ASIC2: variants seen among roughly 807,000 people sequenced by gnomAD.
The protein encoded by ASIC2 is acid sensing ion channel subunit 2.
A neutral mutation model predicts 57.3 loss-of-function variants in ASIC2; 25 were observed. The observed-to-expected ratio is 0.44, with a 90% CI of 0.32 to 0.61. The LOEUF (loss-of-function observed/expected upper bound fraction) is 0.61, where lower values mean the gene tolerates loss of function less well. Among genes scored for constraint, ASIC2 ranks in the 20% least tolerant of loss-of-function variants. The pLI, the probability that ASIC2 is intolerant of heterozygous loss-of-function variation, is 0.06. For missense variants in ASIC2, 641 were observed against 738.1 expected (o/e 0.87, Z 1.52); for synonymous variants, 319 against 307.5 (o/e 1.04, Z -0.39).
chr17:33,570,617 T>C (rs368294467), intron 1 of ASIC2, among the ~76,000 whole-genome samples: 2 of 152,252 alleles, frequency 1.3e-5, no homozygotes, highest in East Asian at 1.9e-4. Context: ...GTTACCATTT[T>C]AGTTACTTCT....
intron 1 of ASIC2, among the ~76,000 whole-genome samples, chr17:33,656,924 T>C (rs1162619939): frequency 1.3e-5 from 2 of 152,054 alleles, no homozygotes; most frequent in African/African-American, 4.8e-5. Flanking sequence ...TGTTCAGATA[T>C]GGGTAAGCCA....
chr17:33,638,811 C>G lies in ASIC2; in HGVS notation c.555+517167G>C, dbSNP rs72827246. On this transcript the variant is annotated intron_variant, in intron 1 of 9. Coordinates refer to the ASIC2 transcript ENST00000359872. ...CCCTGAACAGAATAAGCCAAAACTA[C>G]CAGAGGATTAGTATCCCTGGGCTGC... Among the ~76,000 whole-genome samples, 1,448 of 152,050 alleles carry G rather than the reference C, an allele frequency of 9.5e-3. 32 individuals are homozygous for G. The highest frequency in any genetic ancestry group is 0.076 in the East Asian group (388 of 5,108).
At chr17:33,852,016 G>A (rs979892552) in intron 1 of ASIC2, among the ~76,000 whole-genome samples, 12 of 152,228 alleles carry the variant, frequency 7.9e-5, no homozygotes, top group Non-Finnish European at 1.2e-4. Flanking sequence ...GGACCATTCC[G>A]TTCAGGCTGT....
At chr17:33,870,497 T>C (rs1914376024) in intron 1 of ASIC2, among the ~76,000 whole-genome samples, 1 of 152,036 alleles carries the variant, frequency 6.6e-6, no homozygotes, top group Non-Finnish European at 1.5e-5. Context: ...CAAAAGGTCA[T>C]GGTGGTGGGT....
chr17:33,653,152 G>A (rs1171076445), intron 1 of ASIC2, among the ~76,000 whole-genome samples: 2 of 152,218 alleles, frequency 1.3e-5, no homozygotes, highest in African/African-American at 4.8e-5. Context: ...AACCATTGTC[G>A]TGATTTCCAG....
chr17:33,408,627 C>T (rs531461469), intron 1 of ASIC2, among the ~76,000 whole-genome samples: 7 of 152,366 alleles, frequency 4.6e-5, no homozygotes, highest in Admixed American at 1.3e-4. Context: ...TCTCCCCTTT[C>T]TCCACTGAGT....
At chr17:33,656,916 T>C (rs1417063426) in intron 1 of ASIC2, among the ~76,000 whole-genome samples, 1 of 152,144 alleles carries the variant, frequency 6.6e-6, no homozygotes, top group Non-Finnish European at 1.5e-5. Flanking sequence ...AAGAGAATTG[T>C]TCAGATATGG....
chr17:34,137,953 T>G (rs1431724235), intron 1 of ASIC2, among the ~76,000 whole-genome samples: 1 of 152,110 alleles, frequency 6.6e-6, no homozygotes, highest in Non-Finnish European at 1.5e-5. Flanking sequence ...ATGAATTTAG[T>G]GGGGGACCCA....
Position 33,291,908 on chromosome 17 carries a change from G to A in ASIC2, c.208C>T (p.Arg70Trp). ...SLSRAKLHGL[R>W]HMCAGRTAAG... ...GCCGTGCGCCCGGCACACATGTGCC[G>A]CAGCCCGTGCAGTTTAGCGCGGCTC... Residue 70 changes from arginine to tryptophan, a missense_variant, in exon 1 of 10, where the codon CGG becomes TGG. By Grantham distance (101) the Arg-to-Trp change is moderately radical. Around this residue, in one of 3 missense-constraint regions of ASIC2, gnomAD observed 382 missense variants for 398.0 expected, o/e 0.96. Transcript: ENST00000225823. The A allele has an allele frequency of 6.3e-7, 1 of 1,594,074 alleles. No individual in the cohort carries two copies. Among genetic ancestry groups the A allele is most frequent in the Non-Finnish European group, 8.5e-7 (1 of 1,175,394 alleles).
At chr17:33,446,216 A>G (rs1460509673) in intron 1 of ASIC2, among the ~76,000 whole-genome samples, 1 of 152,128 alleles carries the variant, frequency 6.6e-6, no homozygotes, top group East Asian at 1.9e-4. Flanking sequence ...TTTCTTCCCA[A>G]GAACATCCCT....
At chr17:33,909,646 G>C (rs1354714357) in intron 1 of ASIC2, among the ~76,000 whole-genome samples, 4 of 152,212 alleles carry the variant, frequency 2.6e-5, no homozygotes, top group Non-Finnish European at 5.9e-5. Flanking sequence ...GCTCCTGGGA[G>C]AGCCCCATTA....
intron 1 of ASIC2, among the ~76,000 whole-genome samples, chr17:33,916,191 G>C (rs1272089435): frequency 6.6e-6 from 1 of 152,150 alleles, no homozygotes; most frequent in African/African-American, 2.4e-5. Context: ...CTCCAGGGTG[G>C]ATAATATGAT....
At chr17:33,843,725 T>C (rs910786997) in intron 1 of ASIC2, among the ~76,000 whole-genome samples, 2 of 152,196 alleles carry the variant, frequency 1.3e-5, no homozygotes, top group Admixed American at 1.3e-4. Context: ...AAGAGAGTAG[T>C]TGGAAAATTG....
intron 1 of ASIC2, among the ~76,000 whole-genome samples, chr17:33,206,677 T>C (rs1331378118): frequency 2.0e-5 from 3 of 152,072 alleles, no homozygotes; most frequent in Non-Finnish European, 4.4e-5. Flanking sequence ...CCCTGGTCTC[T>C]GATTGGGGAA....
intron 2 of ASIC2, among the ~76,000 whole-genome samples, chr17:33,106,528 G>A (rs554264110): frequency 2.6e-5 from 4 of 152,232 alleles, no homozygotes; most frequent in Admixed American, 6.5e-5. Context: ...TTCCTCAGAC[G>A]TAACCCACCC....
chr17:33,750,408 T>C (rs1488870178), intron 1 of ASIC2, among the ~76,000 whole-genome samples: 2 of 152,164 alleles, frequency 1.3e-5, no homozygotes, highest in South Asian at 4.1e-4. Context: ...ATGTGCACGA[T>C]ATTGTGCAAA....
At chr17:33,681,825 C>A (rs1908009647) in intron 1 of ASIC2, among the ~76,000 whole-genome samples, 2 of 152,180 alleles carry the variant, frequency 1.3e-5, no homozygotes, top group African/African-American at 2.4e-5. Flanking sequence ...TGTCCTCTGT[C>A]CCCTACTAGA....
intron 1 of ASIC2, chr17:33,692,534 T>A (rs1310831326): frequency 6.6e-6 from 1 of 152,168 alleles, no homozygotes; most frequent in Non-Finnish European, 1.5e-5. Flanking sequence ...AGTTTGTGTA[T>A]CTAAAGCTAT....
intron 1 of ASIC2, chr17:33,976,548 G>A (rs1905394576): frequency 6.6e-6 from 1 of 152,180 alleles, no homozygotes; most frequent in East Asian, 1.9e-4. Flanking sequence ...GGAGGAAAGT[G>A]ACATTGTTGA....
Sources: gnomAD v4.1 joint callset for allele counts (sites outside exome capture counted in the v4.1 genomes callset) on GRCh38, gnomAD v4.1.1 for gene constraint, gnomAD v4.1.1 regional missense constraint, MANE v1.5 for transcripts, NCBI Gene and HGNC (gene_info 2026-07-23, HGNC 2026-07-21) for gene names.